The following SLC35F1 variants were observed in gnomAD, a reference collection of about 807,000 sequenced individuals.
SLC35F1 encodes the protein solute carrier family 35 member F1, also known as chromosome 6 open reading frame 169.
In SLC35F1, 14 loss-of-function variants were observed where a neutral mutation model predicts 48.7. The observed-to-expected ratio is 0.29, with a 90% CI of 0.19 to 0.45. The LOEUF (loss-of-function observed/expected upper bound fraction) is 0.45. SLC35F1 is among the 20% of genes least tolerant of loss of function. SLC35F1 has a pLI of 1.00. For missense variants in SLC35F1, 404 were observed against 500.0 expected (o/e 0.81, Z 1.83); for synonymous variants, 190 against 202.2 (o/e 0.94, Z 0.51).
chr6:118,093,936 G>T (rs953683600), intron 1 of SLC35F1, among the ~76,000 whole-genome samples: 1 of 152,186 alleles, frequency 6.6e-6, no homozygotes, highest in African/African-American at 2.4e-5. Flanking sequence ...CAAGACAAAG[G>T]TCATGACTAT....
At chr6:118,171,614 A>T (rs1175335243) in intron 2 of SLC35F1, among the ~76,000 whole-genome samples, 1 of 152,138 alleles carries the variant, frequency 6.6e-6, no homozygotes, top group Non-Finnish European at 1.5e-5. Context: ...AAGAGTACCT[A>T]TTTCCCCACT....
intron 2 of SLC35F1, among the ~76,000 whole-genome samples, chr6:118,222,861 A>G (rs1438352794): frequency 6.6e-6 from 1 of 152,162 alleles, no homozygotes; most frequent in Admixed American, 6.5e-5. Context: ...TGAGTGCCTC[A>G]TTGCTATTTT....
At chr6:118,002,462 G>T (rs1451830681) in intron 1 of SLC35F1, among the ~76,000 whole-genome samples, 2 of 151,722 alleles carry the variant, frequency 1.3e-5, no homozygotes, top group Admixed American at 6.6e-5. Context: ...GGGGTAGGGG[G>T]AGGGGGAGGG....
chr6:118,313,367 A>G (rs1333045113), intron 7 of SLC35F1, among the ~76,000 whole-genome samples: 1 of 152,194 alleles, frequency 6.6e-6, no homozygotes, highest in East Asian at 1.9e-4. Flanking sequence ...CGCAAACTCT[A>G]TGAATTGTCA....
At chr6:118,057,557 AT>A (rs1772480385) in intron 1 of SLC35F1, among the ~76,000 whole-genome samples, 1 of 152,196 alleles carries the variant, frequency 6.6e-6, no homozygotes, top group Non-Finnish European at 1.5e-5. Flanking sequence ...TTCTCTTCTA[AT>A]TTGAGAAGAG....
intron 1 of SLC35F1, among the ~76,000 whole-genome samples, chr6:118,020,736 C>G (rs1228416119): frequency 6.6e-6 from 1 of 152,174 alleles, no homozygotes; most frequent in Non-Finnish European, 1.5e-5. Flanking sequence ...CATCATGTCT[C>G]TGATTTAAGG....
rs542961596 is a variant in SLC35F1 at position 118,100,355 on chromosome 6, A to G, written c.174-54090A>G. Among the ~76,000 whole-genome samples the G allele has an allele frequency of 7.9e-5, 12 of 152,090 alleles. 1 individual carries two copies. Among genetic ancestry groups the G allele is most frequent in the African/African-American group, 2.9e-4 (12 of 41,498 alleles). On this transcript the variant is annotated intron_variant, in intron 1 of 7. Coordinates refer to ENST00000360388, the MANE Select transcript of SLC35F1 (RefSeq NM_001029858.4). ...TGAGGTTAAAGGCCCAGTCTCCAAGACTGTCCTCACTTCAGACACCAGCCT... is the reference window on the plus strand; with the variant it reads ...TGAGGTTAAAGGCCCAGTCTCCAAGGCTGTCCTCACTTCAGACACCAGCCT...
chr6:117,943,174 G>A (rs1234539936), intron 1 of SLC35F1, among the ~76,000 whole-genome samples: 3 of 152,246 alleles, frequency 2.0e-5, no homozygotes, highest in African/African-American at 7.2e-5. Context: ...CCATTTGAAC[G>A]TGACATGTGT....
chr6:118,217,349 A>G (rs1002939589), intron 2 of SLC35F1, among the ~76,000 whole-genome samples: 11 of 152,220 alleles, frequency 7.2e-5, no homozygotes, highest in African/African-American at 2.7e-4. Flanking sequence ...AGTGAACCTT[A>G]AAAACATAGT....
At chr6:118,057,742 A>G (rs1252649823) in intron 1 of SLC35F1, among the ~76,000 whole-genome samples, 3 of 152,194 alleles carry the variant, frequency 2.0e-5, no homozygotes, top group Admixed American at 2.0e-4. Flanking sequence ...TTTTGTCTCC[A>G]GTATATCCTG....
intron 1 of SLC35F1, among the ~76,000 whole-genome samples, chr6:118,123,714 C>G (rs996203336): frequency 6.6e-6 from 1 of 152,138 alleles, no homozygotes; most frequent in Non-Finnish European, 1.5e-5. Context: ...TATCTCTTGT[C>G]AAAACATTAC....
At position 118,058,711 on chromosome 6, in the gene SLC35F1, GAT is replaced by G. The variant is rs145810416; in HGVS notation, c.174-95731_174-95730del. Among the ~76,000 whole-genome samples the G allele has an allele frequency of 3.8e-3, 585 of 152,124 alleles. 3 individuals carry two copies. Among genetic ancestry groups the G allele is most frequent in the Non-Finnish European group, 6.8e-3 (463 of 67,978 alleles). ...CTTTGCTGTTTTTCTGTTTTCCTCT[GAT>G]ATTATAAGTTGGAATTGTGAGAATA... On this transcript the variant is annotated intron_variant, in intron 1 of 7. Coordinates refer to ENST00000360388, the MANE Select transcript of SLC35F1 (RefSeq NM_001029858.4).
chr6:118,140,498 G>A (rs1328767613), intron 1 of SLC35F1, among the ~76,000 whole-genome samples: 3 of 151,958 alleles, frequency 2.0e-5, no homozygotes, highest in African/African-American at 7.3e-5. Context: ...AGTAATACTT[G>A]TACTATATAA....
chr6:117,923,648 T>C (rs796990113), intron 1 of SLC35F1, among the ~76,000 whole-genome samples: 11,048 of 90,896 alleles, frequency 0.12, 4,896 homozygotes, highest in South Asian at 0.23. Context: ...CATATGTACA[T>C]ATGTACATAT....
chr6:118,131,684 T>A (rs1229944573), intron 1 of SLC35F1, among the ~76,000 whole-genome samples: 2 of 152,092 alleles, frequency 1.3e-5, no homozygotes, highest in African/African-American at 2.4e-5. Flanking sequence ...TCTACTTTCA[T>A]GAGTATAATT....
chr6:117,924,473 CATATGTAT>C lies in SLC35F1; in HGVS notation c.173+16578_173+16585del, dbSNP rs1164104678. Reference sequence around the variant, plus strand: ...ATACCTATATGTGTGTACATATATACATATGTATATACGTATATACATATGTATATACG... The same window carrying C: ...ATACCTATATGTGTGTACATATATACATACGTATATACATATGTATATACG... On this transcript the variant is annotated intron_variant, in intron 1 of 7. Transcript: ENST00000360388. Among the ~76,000 whole-genome samples the C allele has an allele frequency of 2.3e-3, 39 of 17,148 alleles. 1 individual carries two copies. In the Admixed American group the frequency reaches 0.048, roughly 21 times the overall value. 11.2% of individuals were successfully genotyped at this position (17,148 alleles called of 152,430 possible).
chr6:118,041,751 C>A (rs989160250), intron 1 of SLC35F1, among the ~76,000 whole-genome samples: 1 of 152,060 alleles, frequency 6.6e-6, no homozygotes, highest in Non-Finnish European at 1.5e-5. Context: ...AATGGAAAAA[C>A]GCCCTGAGGC....
chr6:118,143,615 C>G (rs1230497503), intron 1 of SLC35F1, among the ~76,000 whole-genome samples: 1 of 152,144 alleles, frequency 6.6e-6, no homozygotes, highest in Admixed American at 6.6e-5. Flanking sequence ...TGCTGAGATG[C>G]ATGTTAACAA....
chr6:118,100,888 A>G (rs943379049), intron 1 of SLC35F1, among the ~76,000 whole-genome samples: 2 of 152,184 alleles, frequency 1.3e-5, no homozygotes, highest in African/African-American at 2.4e-5. Flanking sequence ...TCACCTCATT[A>G]GCATAAATTA....
Sources: gnomAD v4.1 joint callset for allele counts (sites outside exome capture counted in the v4.1 genomes callset) on GRCh38, gnomAD v4.1.1 for gene constraint, MANE v1.5 for transcripts, NCBI Gene and HGNC (gene_info 2026-07-23, HGNC 2026-07-21) for gene names.